Variants in GIGYF2 observed in about 807,000 individuals in gnomAD.
GIGYF2 encodes the protein GRB10-interacting GYF protein 2.
A neutral mutation model predicts 208.1 loss-of-function variants in GIGYF2; 25 were observed. That is an observed-to-expected ratio of 0.12 (90% CI 0.09 to 0.17). The LOEUF (loss-of-function observed/expected upper bound fraction) is 0.17, where lower values mean the gene tolerates loss of function less well. Ranked by LOEUF, GIGYF2 falls within the 10% of genes least tolerant of loss-of-function variation. The pLI is 1.00. For missense variants in GIGYF2, 1,302 were observed against 1,579.4 expected, an observed-to-expected ratio of 0.82 and a Z score of 2.98; for synonymous variants, 534 against 543.8, an observed-to-expected ratio of 0.98 and a Z score of 0.25.
In GIGYF2 at chr2:232,806,981, C is replaced by T. The variant is rs1164200824; in HGVS notation, c.1806+324C>T. Among the ~76,000 whole-genome samples, 2 of 152,134 alleles carry T rather than the reference C, an allele frequency of 1.3e-5. No homozygotes were observed. Among genetic ancestry groups the T allele is most frequent in the South Asian group, 2.1e-4 (1 of 4,832 alleles). ...CTACGAGGTCCTGCAATGCCTGGCA[C>T]CTTACCTTTCTAAGCTCATTTCAGA... On this transcript the variant is annotated intron_variant, in intron 15 of 28. Coordinates refer to ENST00000373563, the MANE Select transcript of GIGYF2 (RefSeq NM_001103146.3). The surrounding 1 kb of genome is among the most constrained non-coding windows in gnomAD (Gnocchi z 4.0).
At chr2:232,730,319 T>G in intron 2 of GIGYF2, 1 of 542,838 alleles carries the variant, frequency 1.8e-6, no homozygotes, top group Non-Finnish European at 3.3e-6. Flanking sequence ...ATCTTTACTT[T>G]AGGGGCCGGG....
At chr2:232,755,903 T>C (rs936155526) in intron 5 of GIGYF2, among the ~76,000 whole-genome samples, 3 of 152,256 alleles carry the variant, frequency 2.0e-5, no homozygotes, top group Admixed American at 6.5e-5. Flanking sequence ...TATTCTGTTA[T>C]GTATTTTCCC....
chr2:232,755,733 C>T (rs148704477), intron 5 of GIGYF2, among the ~76,000 whole-genome samples: 47 of 152,294 alleles, frequency 3.1e-4, no homozygotes, highest in African/African-American at 1.1e-3. Context: ...TCCTGTCATT[C>T]TGTTGAATAC....
intron 2 of GIGYF2, among the ~76,000 whole-genome samples, chr2:232,717,175 A>G (rs944632731): frequency 2.6e-5 from 4 of 152,160 alleles, no homozygotes; most frequent in Non-Finnish European, 5.9e-5. Flanking sequence ...AGCTGGGCAT[A>G]GTAGCTCATA....
intron 14 of GIGYF2, among the ~76,000 whole-genome samples, chr2:232,797,369 CT>C: frequency 6.6e-6 from 1 of 152,118 alleles, no homozygotes; most frequent in Non-Finnish European, 1.5e-5. Flanking sequence ...AATGAATTAA[CT>C]CCCCTTGCAC....
At chr2:232,747,436 C>G (rs1174729585) in intron 3 of GIGYF2, among the ~76,000 whole-genome samples, 179 bp from the exon 4 acceptor site, 2 of 152,182 alleles carry the variant, frequency 1.3e-5, no homozygotes, top group Non-Finnish European at 2.9e-5. Flanking sequence ...TCTCAATAAA[C>G]TGCCCTTTTA....
chr2:232,823,364 TTTC>T (rs199868210), intron 21 of GIGYF2, among the ~76,000 whole-genome samples: 1,262 of 83,738 alleles, frequency 0.015, 113 homozygotes, highest in Admixed American at 0.089. Flanking sequence ...CCTTTCTTTC[TTTC>T]TTTTTTTTTT....
chr2:232,747,847 C>A, intron 4 of GIGYF2, 103 bp downstream of exon 4: 1 of 1,095,736 alleles, frequency 9.1e-7, no homozygotes, highest in Non-Finnish European at 1.4e-6. Context: ...AATGTATTGA[C>A]CCATGCCTTT....
chr2:232,715,719 A>G (rs1241130778), intron 2 of GIGYF2, among the ~76,000 whole-genome samples: 2 of 152,148 alleles, frequency 1.3e-5, no homozygotes, highest in Admixed American at 6.5e-5. Context: ...GTTACTCAAA[A>G]ATGTTGGTGT....
chr2:232,851,269 C>T (rs985627613), intron 28 of GIGYF2, among the ~76,000 whole-genome samples: 1 of 152,118 alleles, frequency 6.6e-6, no homozygotes, highest in Non-Finnish European at 1.5e-5. Flanking sequence ...GAGCTGTGAT[C>T]ATGCCACTGC....
chr2:232,733,576 T>G (rs1184925384), intron 2 of GIGYF2, among the ~76,000 whole-genome samples: 1 of 152,178 alleles, frequency 6.6e-6, no homozygotes. Flanking sequence ...CTTAACTTGG[T>G]CCCCAGTGCC....
In GIGYF2 at chr2:232,836,330, ACATATATATACTTATATATTT is replaced by A. The variant is rs1559160741; in HGVS notation, c.2766+3238_2766+3258del. Among the ~76,000 whole-genome samples the A allele has an allele frequency of 4.4e-3, 132 of 29,958 alleles. 24 individuals are homozygous for A. The highest frequency in any genetic ancestry group is 0.013 in the African/African-American group (119 of 9,154). The allele number at this position is 29,958 out of a possible 152,430, so 19.7% of individuals were successfully genotyped here. A position where few individuals can be genotyped will look rare whatever the true frequency, so the allele number is the denominator to read the frequency against. ...TATATATATATATATATATATATAT[ACATATATATACTTATATATTT>A]ATATATATAAATATAAATATATATA... On this transcript the variant is annotated intron_variant, in intron 22 of 28. Transcript: ENST00000373563.
chr2:232,710,739 C>T (rs1696356662), intron 2 of GIGYF2, among the ~76,000 whole-genome samples: 1 of 131,830 alleles, frequency 7.6e-6, no homozygotes, highest in Admixed American at 8.7e-5. Flanking sequence ...GCTCTTGTTT[C>T]CCTGGCTGGA....
At chr2:232,786,385 T>C (rs1163979803) in intron 8 of GIGYF2, among the ~76,000 whole-genome samples, 2 of 152,092 alleles carry the variant, frequency 1.3e-5, no homozygotes, top group Non-Finnish European at 2.9e-5. Context: ...TTACAGGCAC[T>C]TGTCACCACA....
intron 3 of GIGYF2, chr2:232,736,397 G>A (rs1394007706): frequency 5.3e-6 from 1 of 187,294 alleles, no homozygotes; most frequent in African/African-American, 2.4e-5. Context: ...CTTTCCAGGT[G>A]GTTTTATGTA....
intron 8 of GIGYF2, among the ~76,000 whole-genome samples, chr2:232,785,767 C>T (rs1374052455): frequency 8.5e-5 from 13 of 152,188 alleles, no homozygotes; most frequent in Admixed American, 8.5e-4. Context: ...TATGGACAAG[C>T]AGGATGCTGA....
intron 2 of GIGYF2, among the ~76,000 whole-genome samples, chr2:232,730,958 A>G (rs1697465635): frequency 1.3e-5 from 2 of 152,114 alleles, no homozygotes; most frequent in African/African-American, 2.4e-5. Context: ...TTCTTACAGA[A>G]ACCATGTTGT....
At chr2:232,759,124 A>G (rs577240140) in intron 6 of GIGYF2, among the ~76,000 whole-genome samples, 2 of 152,280 alleles carry the variant, frequency 1.3e-5, no homozygotes, top group Non-Finnish European at 2.9e-5. Context: ...ATACTTCATA[A>G]TATAGTCATA....
Position 232,857,051 on chromosome 2 carries a change from A to G in GIGYF2, c.*191A>G. 1.6e-6 allele frequency: 1 copy of G among 640,318 alleles called. No individual in the cohort carries two copies. Among genetic ancestry groups the G allele is most frequent in the Non-Finnish European group, 2.8e-6 (1 of 352,478 alleles). The allele number at this position is 640,318 out of a possible 1,614,324, so 39.7% of individuals were successfully genotyped here. A position where few individuals can be genotyped will look rare whatever the true frequency, so the allele number is the denominator to read the frequency against. On this transcript the variant is annotated 3_prime_UTR_variant, in exon 29 of 29. Transcript: ENST00000373563. ...ATCCATTTTTGTTGGTGAACATCTC[A>G]GACTATAGATAAGTGGACTGGACCC...
Sources: allele counts gnomAD v4.1 joint callset (sites outside exome capture counted in the v4.1 genomes callset), GRCh38; gene constraint gnomAD v4.1.1; non-coding constraint Gnocchi (gnomAD v3.1); transcripts MANE v1.5; gene names NCBI Gene and HGNC (gene_info 2026-07-23, HGNC 2026-07-21).